The following DAB1 variants were observed in gnomAD, a reference collection of about 807,000 sequenced individuals.
DAB1 encodes the protein DAB adaptor protein 1, also known as disabled homolog 1.
In DAB1, 15 loss-of-function variants were observed where a neutral mutation model predicts 64.6. That is an observed-to-expected ratio of 0.23 (90% CI 0.16 to 0.36). The LOEUF (loss-of-function observed/expected upper bound fraction) is 0.36, where lower values mean the gene tolerates loss of function less well. DAB1 is among the 10% of genes least tolerant of loss of function. The pLI is 1.00. For synonymous variants in DAB1, 235 were observed against 251.9 expected, an observed-to-expected ratio of 0.93 and a Z score of 0.64; for missense variants, 596 against 706.7, an observed-to-expected ratio of 0.84 and a Z score of 1.78.
At chr1:58,238,992 G>A (rs1329002435) in intron 4 of DAB1, among the ~76,000 whole-genome samples, 1 of 152,144 alleles carries the variant, frequency 6.6e-6, no homozygotes, top group East Asian at 1.9e-4. Context: ...CCTTCTGTCT[G>A]TCCCTAGCAA....
intron 3 of DAB1, among the ~76,000 whole-genome samples, chr1:58,443,037 G>A (rs112672041): frequency 6.6e-6 from 1 of 152,212 alleles, no homozygotes; most frequent in Non-Finnish European, 1.5e-5. Context: ...CAATTTTGAA[G>A]AAATCTTTGA....
At chr1:57,833,744 A>C (rs1233006627) in intron 1 of DAB1, among the ~76,000 whole-genome samples, 1 of 152,224 alleles carries the variant, frequency 6.6e-6, no homozygotes, top group Non-Finnish European at 1.5e-5. Context: ...GCCTACCCTA[A>C]CTGCATGATA....
intron 2 of DAB1, among the ~76,000 whole-genome samples, chr1:57,285,025 GA>G (rs1166002233): frequency 2.0e-5 from 3 of 152,198 alleles, no homozygotes; most frequent in African/African-American, 7.2e-5. Flanking sequence ...GAGAAAATAT[GA>G]AGGCAGCTTT....
intron 3 of DAB1, among the ~76,000 whole-genome samples, chr1:58,369,962 A>G (rs1295824052): frequency 1.3e-5 from 2 of 152,258 alleles, no homozygotes; most frequent in African/African-American, 4.8e-5. Context: ...TGCTAGCCAA[A>G]GTATAAATTG....
chr1:57,982,452 C>T (rs1646089874), intron 5 of DAB1, among the ~76,000 whole-genome samples: 1 of 152,156 alleles, frequency 6.6e-6, no homozygotes, highest in Admixed American at 6.5e-5. Flanking sequence ...ACCTCTGTTC[C>T]TTCTTAGGTA....
At chr1:58,292,973 G>A (rs577937546) in intron 4 of DAB1, among the ~76,000 whole-genome samples, 1 of 152,054 alleles carries the variant, frequency 6.6e-6, no homozygotes, top group Non-Finnish European at 1.5e-5. Context: ...TGGTGAAGTG[G>A]AGACCCACAT....
intron 6 of DAB1, among the ~76,000 whole-genome samples, chr1:57,747,111 A>G (rs1648312011): frequency 6.6e-6 from 1 of 152,186 alleles, no homozygotes; most frequent in African/African-American, 2.4e-5. Context: ...GAATTTCTCC[A>G]TGACCCATTT....
In DAB1 at chr1:57,424,001, G is replaced by A. The variant is rs1038919371; in HGVS notation, c.-208C>T. The A allele has an allele frequency of 2.6e-5, 4 of 152,020 alleles. No homozygotes were observed. Among genetic ancestry groups the A allele is most frequent in the African/African-American group, 7.2e-5 (3 of 41,406 alleles). The allele number at this position is 152,020 out of a possible 1,614,324, so 9.4% of individuals were successfully genotyped here. On this transcript the variant is annotated 5_prime_UTR_variant, in exon 1 of 15. Transcript: ENST00000371236. Reference sequence around the variant, plus strand: ...AAGCGGCTCCCCATGCCCGGCGGGCGGCGGCACTCAGGCGCGCTCTGCAGC... The same window carrying A: ...AAGCGGCTCCCCATGCCCGGCGGGCAGCGGCACTCAGGCGCGCTCTGCAGC...
At chr1:57,665,869 GTGTGTGTGTGTGTGTTTGCGTGTGCA>G (rs1646441760) in intron 6 of DAB1, among the ~76,000 whole-genome samples, 2 of 150,468 alleles carry the variant, frequency 1.3e-5, no homozygotes, top group African/African-American at 2.4e-5. Flanking sequence ...GTGTGTGTGT[GTGTGTGTGTGTGTGTTTGCGTGTGCA>G]TGTGTGTGTT....
chr1:57,823,984 T>A (rs1557501322), downstream of DAB1, among the ~76,000 whole-genome samples: 1 of 152,174 alleles, frequency 6.6e-6, no homozygotes, highest in African/African-American at 2.4e-5. Flanking sequence ...TGAATGTCTT[T>A]TGAGAAGGAT....
chr1:58,247,696 G>A (rs1051689373), intron 4 of DAB1, among the ~76,000 whole-genome samples: 2 of 151,866 alleles, frequency 1.3e-5, no homozygotes, highest in African/African-American at 4.8e-5. Context: ...TGCTTCATGC[G>A]GGCTCTGGTC....
At position 57,932,992 on chromosome 1, in the gene DAB1, G is replaced by A. The variant is rs185046732; in HGVS notation, n.388-48830C>T. Among the ~76,000 whole-genome samples the A allele has an allele frequency of 2.7e-3, 412 of 152,220 alleles. 4 individuals carry two copies. The highest frequency in any genetic ancestry group is 9.6e-3 in the African/African-American group (397 of 41,518). On this transcript the variant is annotated intron_variant and non_coding_transcript_variant, in intron 5 of 20. Coordinates refer to the DAB1 transcript ENST00000485760. ...TTATTAGGAAGAACAGAATGCCCTG[G>A]CATTTTTCAAAATGGCTCCTTTTCT...
intron 6 of DAB1, among the ~76,000 whole-genome samples, chr1:57,756,219 A>G (rs912090049): frequency 6.6e-6 from 1 of 152,218 alleles, no homozygotes; most frequent in Admixed American, 6.5e-5. Flanking sequence ...ACATAATGAC[A>G]GTCACATTGC....
At chr1:58,126,960 T>G (rs1327648583) in intron 5 of DAB1, among the ~76,000 whole-genome samples, 6 of 148,522 alleles carry the variant, frequency 4.0e-5, no homozygotes, top group Admixed American at 4.0e-4. Context: ...TTATAGTCAT[T>G]TGGGTATATA....
At chr1:58,039,951 T>C (rs532024547) in intron 5 of DAB1, among the ~76,000 whole-genome samples, 1 of 152,258 alleles carries the variant, frequency 6.6e-6, no homozygotes, top group South Asian at 2.1e-4. Context: ...AGAGGAACAG[T>C]GCTAGCAAAA....
At chr1:57,073,643 C>G (rs1222791363) in intron 4 of DAB1, among the ~76,000 whole-genome samples, 2 of 152,200 alleles carry the variant, frequency 1.3e-5, no homozygotes, top group Non-Finnish European at 2.9e-5. Context: ...TGTGTAAACA[C>G]AAGGCACCCA....
chr1:57,890,194 T>G (rs1644289986), intron 5 of DAB1, among the ~76,000 whole-genome samples: 1 of 152,028 alleles, frequency 6.6e-6, no homozygotes, highest in African/African-American at 2.4e-5. Flanking sequence ...ATCTGTAGTG[T>G]GGAAACGAGA....
At chr1:58,117,210 C>A (rs1267916821) in intron 5 of DAB1, among the ~76,000 whole-genome samples, 2 of 152,138 alleles carry the variant, frequency 1.3e-5, no homozygotes, top group Non-Finnish European at 2.9e-5. Context: ...CAGAGGCTTC[C>A]CTGCCTACCA....
chr1:57,159,698 C>T (rs1047597715), intron 2 of DAB1, among the ~76,000 whole-genome samples: 66 of 151,868 alleles, frequency 4.3e-4, no homozygotes, highest in African/African-American at 1.5e-3. Context: ...ATTGGAAAAC[C>T]AAGTTTAAAT....
Sources: gnomAD v4.1 joint callset for allele counts (sites outside exome capture counted in the v4.1 genomes callset) on GRCh38, gnomAD v4.1.1 for gene constraint, MANE v1.5 for transcripts, NCBI Gene and HGNC (gene_info 2026-07-23, HGNC 2026-07-21) for gene names.